Variants in SPON1 observed in about 807,000 individuals in gnomAD.
The protein encoded by SPON1 is spondin 1.
SPON1 carries 52 observed loss-of-function variants against 111.7 expected under a neutral mutation model. The observed-to-expected ratio is 0.47, with a 90% CI of 0.37 to 0.59. SPON1 has a LOEUF of 0.59. Ranked by LOEUF, SPON1 falls within the 20% of genes least tolerant of loss-of-function variation. The probability of loss-of-function intolerance (pLI) is 0.00; values close to 1 mark genes in which losing one functional copy is unlikely to be tolerated. For synonymous variants in SPON1, 410 were observed against 395.8 expected (o/e 1.04, Z -0.43); for missense variants, 957 against 1,068.5 (o/e 0.90, Z 1.46).
intron 2 of SPON1, among the ~76,000 whole-genome samples, chr11:14,005,694 A>G (rs1554913023): frequency 1.3e-5 from 2 of 150,002 alleles, no homozygotes; most frequent in African/African-American, 4.9e-5. Flanking sequence ...AAAGATGATC[A>G]TTAGAGTCCT....
At chr11:14,028,071 A>G (rs930184859) in intron 2 of SPON1, among the ~76,000 whole-genome samples, 1 of 152,328 alleles carries the variant, frequency 6.6e-6, no homozygotes, top group East Asian at 1.9e-4. Context: ...GGGGTCATGG[A>G]GGATATTAAT....
At position 14,259,651 on chromosome 11, in the gene SPON1, T is replaced by A. The variant is rs1159608023; in HGVS notation, c.1781T>A (p.Met594Lys). 40 of 1,569,262 alleles carry A rather than the reference T, an allele frequency of 2.5e-5. 1 individual carries two copies. The highest frequency in any genetic ancestry group is 2.6e-6 in the Non-Finnish European group (3 of 1,157,300). ...AAGATGAACCCCGCAGATGGCTCCA[T>A]GTGCAAAGCCGAGACATCACAGGCA... ...MIKMNPADGS[M>K]CKAETSQAEK... The change falls in exon 13 of 16, where the codon ATG (methionine) becomes AAG (lysine). Residue 594 changes from methionine to lysine, a missense_variant. By Grantham distance (95) the Met-to-Lys change is moderately conservative. Around this residue, in one of 5 missense-constraint regions of SPON1, gnomAD observed 549 missense variants for 606.2 expected, o/e 0.91. Transcript: ENST00000576479. The surrounding 1 kb of genome is among the most constrained non-coding windows in gnomAD (Gnocchi z 5.0).
Position 14,079,264 on chromosome 11 carries a change from A to C in SPON1, c.554-635A>C, listed in dbSNP as rs1220597133. Among the ~76,000 whole-genome samples, 5 of 152,322 alleles carry C rather than the reference A, an allele frequency of 3.3e-5. No individual in the cohort carries two copies. The East Asian group carries it at 9.6e-4, about 29-fold the overall frequency. On this transcript the variant is annotated intron_variant, in intron 4 of 15. Transcript: ENST00000576479. ...TCTTAAGTTTTTCCTGGCTACTTCTATACCCAGAAGTACAGTAAACCTGAG... is the reference window on the plus strand; with the variant it reads ...TCTTAAGTTTTTCCTGGCTACTTCTCTACCCAGAAGTACAGTAAACCTGAG...
intron 6 of SPON1, among the ~76,000 whole-genome samples, chr11:14,233,842 G>GA (rs1848832526): frequency 6.9e-6 from 1 of 144,620 alleles, no homozygotes; most frequent in South Asian, 2.2e-4. Context: ...AGCTCACTGC[G>GA]ACCTCTGCCT....
chr11:14,119,431 A>G (rs1312258726), intron 5 of SPON1, among the ~76,000 whole-genome samples: 1 of 152,130 alleles, frequency 6.6e-6, no homozygotes. Flanking sequence ...CCTATTGACC[A>G]AGGGTTGTCT....
intron 6 of SPON1, among the ~76,000 whole-genome samples, chr11:14,237,230 G>A (rs1848878261): frequency 6.6e-6 from 1 of 152,142 alleles, no homozygotes; most frequent in South Asian, 2.1e-4. Flanking sequence ...TTTGTGCATG[G>A]CAACTGGGAA....
Position 14,022,363 on chromosome 11 carries a change from C to A in SPON1, c.346-19158C>A, listed in dbSNP as rs934226944. On this transcript the variant is annotated intron_variant, in intron 2 of 15. Coordinates refer to ENST00000576479, the MANE Select transcript of SPON1 (RefSeq NM_006108.4). ...TTCGAATGTGCTTCTGGCAAATAAT[C>A]TGTTCTCACTTTTATATCTTAGTCA... is the stretch of plus-strand genomic sequence containing the variant. 3.9e-5 allele frequency among the ~76,000 whole-genome samples: 6 copies of A among 152,332 alleles called. No homozygotes were observed. The East Asian group carries it at 1.2e-3, about 29-fold the overall frequency.
At chr11:14,026,280 T>G (rs1848517412) in intron 2 of SPON1, among the ~76,000 whole-genome samples, 1 of 152,242 alleles carries the variant, frequency 6.6e-6, no homozygotes, top group Non-Finnish European at 1.5e-5. Flanking sequence ...CCACATTGGA[T>G]GTGTTTGACA....
At chr11:14,096,149 C>T (rs2133841101) in intron 5 of SPON1, among the ~76,000 whole-genome samples, 1 of 152,308 alleles carries the variant, frequency 6.6e-6, no homozygotes, top group South Asian at 2.1e-4. Flanking sequence ...CTCTTGCCTT[C>T]CTTCTGCCTC....
intron 6 of SPON1, among the ~76,000 whole-genome samples, chr11:14,204,851 A>T (rs1202661199): frequency 6.6e-6 from 1 of 151,170 alleles, no homozygotes; most frequent in South Asian, 2.1e-4. Flanking sequence ...CCCCCGGCTA[A>T]TTTTTTTTGT....
chr11:14,046,967 G>T (rs1554917896), intron 3 of SPON1, among the ~76,000 whole-genome samples: 2 of 152,034 alleles, frequency 1.3e-5, no homozygotes, highest in African/African-American at 4.8e-5. Context: ...TTTTGTGAAT[G>T]GGATCTTTGT....
intron 3 of SPON1, among the ~76,000 whole-genome samples, chr11:14,051,683 C>T (rs1227003993): frequency 6.6e-6 from 1 of 152,132 alleles, no homozygotes; most frequent in African/African-American, 2.4e-5. Context: ...CTTTCCAGCC[C>T]CCAGGACTGT....
intron 6 of SPON1, among the ~76,000 whole-genome samples, chr11:14,223,021 C>T (rs1848697434): frequency 6.6e-6 from 1 of 152,182 alleles, no homozygotes; most frequent in Non-Finnish European, 1.5e-5. Context: ...GCCAGAGCCT[C>T]TCAGAAGTAA....
chr11:13,966,226 A>G (rs1476447499), intron 1 of SPON1, among the ~76,000 whole-genome samples: 2 of 151,976 alleles, frequency 1.3e-5, no homozygotes, highest in Non-Finnish European at 2.9e-5. Flanking sequence ...CAACGGCAAT[A>G]ATTGTGCTTT....
intron 6 of SPON1, among the ~76,000 whole-genome samples, chr11:14,204,034 C>G (rs1015342135): frequency 6.6e-6 from 1 of 152,200 alleles, no homozygotes; most frequent in African/African-American, 2.4e-5. Flanking sequence ...AAGGGCCTAT[C>G]TTCGGTGTAA....
At chr11:14,113,568 ATT>A (rs782780924) in intron 5 of SPON1, among the ~76,000 whole-genome samples, 8 of 74,748 alleles carry the variant, frequency 1.1e-4, no homozygotes, top group African/African-American at 4.3e-4. Context: ...TACTTTTTAA[ATT>A]TTTTTTTTTT....
intron 9 of SPON1, 32 bp downstream of exon 9, chr11:14,255,819 C>T: frequency 6.2e-7 from 1 of 1,607,262 alleles, no homozygotes; most frequent in Non-Finnish European, 8.5e-7. Context: ...TGGCATCGAC[C>T]TTTCCCGGTA....
chr11:14,117,870 A>C (rs1849277847), intron 5 of SPON1, among the ~76,000 whole-genome samples: 1 of 152,150 alleles, frequency 6.6e-6, no homozygotes, highest in Non-Finnish European at 1.5e-5. Context: ...CACATTATAG[A>C]TCCTCCCTGA....
At chr11:14,223,747 C>T (rs1263612958) in intron 6 of SPON1, among the ~76,000 whole-genome samples, 1 of 152,228 alleles carries the variant, frequency 6.6e-6, no homozygotes, top group African/African-American at 2.4e-5. Flanking sequence ...AGTTTTCTCC[C>T]TCCTACCTTC....
Sources: allele counts gnomAD v4.1 joint callset (sites outside exome capture counted in the v4.1 genomes callset), GRCh38; gene constraint gnomAD v4.1.1; regional missense constraint gnomAD v4.1.1; non-coding constraint Gnocchi (gnomAD v3.1); transcripts MANE v1.5; gene names NCBI Gene and HGNC (gene_info 2026-07-23, HGNC 2026-07-21).